PCDHA1: variants seen among roughly 807,000 people sequenced by gnomAD.
PCDHA1 encodes the protein protocadherin alpha-1.
In PCDHA1, 42 loss-of-function variants were observed where a neutral mutation model predicts 61.3. The ratio of observed to expected loss-of-function variants is 0.69; its 90% CI spans 0.54 to 0.89. PCDHA1 has a LOEUF of 0.89. PCDHA1 is among the 40% of genes least tolerant of loss of function. The pLI is 0.00. For synonymous variants in PCDHA1, 610 were observed against 553.8 expected (o/e 1.10, Z -1.43); for missense variants, 1,256 against 1,235.3 (o/e 1.02, Z -0.25).
At chr5:140,925,671 A>AATAATAATAATAATAATG (rs1445697337) in intron 1 of PCDHA1, among the ~76,000 whole-genome samples, 3 of 148,150 alleles carry the variant, frequency 2.0e-5, no homozygotes, top group African/African-American at 7.5e-5. Flanking sequence ...TAATAATAAT[A>AATAATAATAATAATAATG]ATAATAAAGC....
rs781827236 is a variant in PCDHA1, at chr5:140,877,873, T to C, written c.2394+89189T>C. ...TTAATATTATTTAGATATATTTGTT[T>C]CCTTGAAGAACTTCCGTTTAGGTTA... On this transcript the variant is annotated intron_variant, in intron 1 of 3. Transcript: ENST00000504120. 6.8e-6 allele frequency: 10 copies of C among 1,481,404 alleles called. 1 individual carries two copies. In the Admixed American group the frequency reaches 2.1e-4, roughly 30 times the overall value. 91.8% of individuals were successfully genotyped at this position (1,481,404 alleles called of 1,614,324 possible).
intron 1 of PCDHA1, among the ~76,000 whole-genome samples, chr5:140,905,904 C>T (rs2072197856): frequency 6.6e-6 from 1 of 152,160 alleles, no homozygotes; most frequent in African/African-American, 2.4e-5. Context: ...AGCTGAGGAG[C>T]AAGGAATCCA....
At position 140,788,088 on chromosome 5, in the gene PCDHA1, G is replaced by A. The variant is rs782390753; in HGVS notation, c.1798G>A (p.Asp600Asn). The change falls in exon 1 of 4, where the codon GAC becomes AAC. Residue 600 changes from aspartate (D) to asparagine (N), a missense_variant. By Grantham distance (23) the Asp-to-Asn change is conservative (BLOSUM62 1). Transcript: ENST00000504120. The part of the protein sequence containing the change: ...VVAKVRAVDA[D>N]SGYNAWLSYE... ...GGCGAAGGTGCGCGCAGTGGACGCC[G>A]ACTCGGGCTACAACGCGTGGCTGTC... is the stretch of plus-strand genomic sequence containing the variant. 24 of 1,613,998 alleles carry A rather than the reference G, an allele frequency of 1.5e-5. 1 individual carries two copies. In the South Asian group the frequency reaches 1.5e-4, roughly 10 times the overall value.
At chr5:140,819,297 TA>T (rs1766530327) in intron 1 of PCDHA1, among the ~76,000 whole-genome samples, 1 of 152,174 alleles carries the variant, frequency 6.6e-6, no homozygotes, top group Non-Finnish European at 1.5e-5. Context: ...TATAGCTTAT[TA>T]AAATTTTATT....
chr5:140,836,375 C>G lies in PCDHA1; in HGVS notation c.2394+47691C>G, dbSNP rs2150258961. 15 of 1,613,594 alleles carry G rather than the reference C, an allele frequency of 9.3e-6. No individual in the cohort carries two copies. In the African/African-American group the frequency reaches 1.2e-4, roughly 13 times the overall value. Reference sequence around the variant, plus strand: ...AGCCCTCGCTGACAGCCACAGCCACCGTGCTGGTGTCGCTGGTGGAAAGCG... The same window carrying G: ...AGCCCTCGCTGACAGCCACAGCCACGGTGCTGGTGTCGCTGGTGGAAAGCG... On this transcript the variant is annotated intron_variant, in intron 1 of 3. Coordinates refer to ENST00000504120, the MANE Select transcript of PCDHA1 (RefSeq NM_018900.4).
intron 1 of PCDHA1, chr5:140,852,541 G>T: frequency 3.7e-6 from 2 of 544,548 alleles, no homozygotes; most frequent in Middle Eastern, 9.4e-4. Context: ...CTCCCAAAGT[G>T]CTGGGATTAA....
intron 1 of PCDHA1, chr5:140,797,283 C>A: frequency 6.2e-7 from 1 of 1,614,220 alleles, no homozygotes; most frequent in Non-Finnish European, 8.5e-7. Context: ...TGGCCTTCAG[C>A]CCTAGCTTAT....
chr5:140,870,314 A>C (rs1253656655), intron 1 of PCDHA1: 6 of 1,613,546 alleles, frequency 3.7e-6, no homozygotes, highest in Non-Finnish European at 5.1e-6. Context: ...AAGAATTACT[A>C]CTCGTTGGTG....
At chr5:140,984,441 T>A (rs1554246265) in intron 3 of PCDHA1, among the ~76,000 whole-genome samples, 3 of 152,200 alleles carry the variant, frequency 2.0e-5, no homozygotes, top group Admixed American at 6.5e-5. Context: ...TCTCCCTTGT[T>A]CCCTTTCTTA....
At chr5:140,796,678 A>G (rs1762121587) in intron 1 of PCDHA1, 1 of 1,613,748 alleles carries the variant, frequency 6.2e-7, no homozygotes, top group Non-Finnish European at 8.5e-7. Context: ...TAGGGCTGGC[A>G]CCGCTGCTGG....
intron 1 of PCDHA1, chr5:140,808,475 G>T: frequency 6.2e-7 from 1 of 1,614,172 alleles, no homozygotes; most frequent in East Asian, 2.2e-5. Flanking sequence ...CGCGCGAGAC[G>T]GGGGCTCGCC....
In PCDHA1 at chr5:140,869,777, C is replaced by A. The variant is rs184691375; in HGVS notation, c.2394+81093C>A. On this transcript the variant is annotated intron_variant, in intron 1 of 3. Transcript: ENST00000504120. ...GGGGGAAAACCAGAGCTTACTGGCA[C>A]CGTTCGGCTGTTAGTCCAAGTCTTG... The A allele has an allele frequency of 1.0e-4, 167 of 1,612,982 alleles. 1 individual carries two copies. The highest frequency in any genetic ancestry group is 6.8e-6 in the Non-Finnish European group (8 of 1,179,600).
rs2150225507 is a variant in PCDHA1 at position 140,834,752 on chromosome 5, G to A, written c.2394+46068G>A. The stretch of plus-strand genomic sequence containing the variant: ...AGGTTTTCCATGTGGACGTGGAGGT[G>A]AAGGACATTAACGACAACCCTCCGG... On this transcript the variant is annotated intron_variant, in intron 1 of 3. Coordinates refer to ENST00000504120, the MANE Select transcript of PCDHA1 (RefSeq NM_018900.4). The A allele has an allele frequency of 1.1e-5, 17 of 1,614,188 alleles. No homozygotes were observed. In the Admixed American group the frequency reaches 2.7e-4, roughly 25 times the overall value.
At chr5:140,813,533 C>T (rs1173530205) in intron 1 of PCDHA1, 1 of 152,118 alleles carries the variant, frequency 6.6e-6, no homozygotes, top group African/African-American at 2.4e-5. Flanking sequence ...TAAAATGGTA[C>T]ACCTGAATAG....
chr5:140,810,093 A>G (rs1764598574), intron 1 of PCDHA1: 1 of 153,468 alleles, frequency 6.5e-6, no homozygotes, highest in African/African-American at 2.4e-5. Context: ...GACTTGCACA[A>G]CATGTATTGT....
rs2150155445 is a variant in PCDHA1, at chr5:140,828,452, G to A, written c.2394+39768G>A. ...GCCGCTGCAGGTTTTCCATGTGGAC[G>A]TGGAGGTGAGGGACATTAACGACAA... On this transcript the variant is annotated intron_variant, in intron 1 of 3. Coordinates refer to ENST00000504120, the MANE Select transcript of PCDHA1 (RefSeq NM_018900.4). The A allele has an allele frequency of 2.5e-6, 4 of 1,614,166 alleles. No individual in the cohort carries two copies. In the South Asian group the frequency reaches 4.4e-5, roughly 18 times the overall value.
intron 1 of PCDHA1, chr5:140,822,188 G>C (rs2150114452): frequency 2.5e-6 from 4 of 1,614,232 alleles, no homozygotes; most frequent in Non-Finnish European, 2.5e-6. Flanking sequence ...CAAGAACAAA[G>C]ATTATTCATT....
chr5:140,792,269 G>C (rs1171036956), intron 1 of PCDHA1, among the ~76,000 whole-genome samples: 1 of 151,512 alleles, frequency 6.6e-6, no homozygotes, highest in Non-Finnish European at 1.5e-5. Flanking sequence ...CTCTTTTTCT[G>C]TCTTTTATAA....
intron 1 of PCDHA1, chr5:140,800,943 A>C (rs1762615830): frequency 5.7e-6 from 6 of 1,047,442 alleles, no homozygotes; most frequent in African/African-American, 1.6e-5. Flanking sequence ...GGGAAAGTTC[A>C]AACGACATAC....
Sources: gnomAD v4.1 joint callset for allele counts (sites outside exome capture counted in the v4.1 genomes callset) on GRCh38, gnomAD v4.1.1 for gene constraint, MANE v1.5 for transcripts, NCBI Gene and HGNC (gene_info 2026-07-23, HGNC 2026-07-21) for gene names.